Variants in LHX4 observed in about 807,000 individuals in gnomAD.
LHX4 encodes the protein LIM/homeobox protein Lhx4.
Under a neutral mutation model 39.2 loss-of-function variants are expected in LHX4, and 16 were observed. The ratio of observed to expected loss-of-function variants is 0.41; its 90% CI spans 0.28 to 0.62. LHX4 has a LOEUF of 0.62. Ranked by LOEUF, LHX4 falls within the 20% of genes least tolerant of loss-of-function variation. LHX4 has a pLI of 0.33. For missense variants in LHX4, 439 were observed against 511.9 expected (o/e 0.86, Z 1.37); for synonymous variants, 206 against 198.1 (o/e 1.04, Z -0.33).
upstream of LHX4, among the ~76,000 whole-genome samples, chr1:180,229,964 A>G (rs941872336): frequency 0.14 from 9,714 of 69,268 alleles, 1,007 homozygotes; most frequent in African/African-American, 0.24. Context: ...GGAGGCGGGG[A>G]GGGGGGGGGG....
At chr1:180,260,656 C>T (rs559460059) in intron 2 of LHX4, among the ~76,000 whole-genome samples, 1 of 151,870 alleles carries the variant, frequency 6.6e-6, no homozygotes, top group East Asian at 1.9e-4. Context: ...GACAGCGGGC[C>T]AATTACATGT....
At chr1:180,252,125 C>A (rs1647652038) in intron 2 of LHX4, among the ~76,000 whole-genome samples, 1 of 152,184 alleles carries the variant, frequency 6.6e-6, no homozygotes, top group African/African-American at 2.4e-5. Context: ...TTGGGACTTG[C>A]TGGCCACCTG....
intron 1 of LHX4, among the ~76,000 whole-genome samples, chr1:180,236,681 GC>G (rs1664328293): frequency 6.6e-6 from 1 of 152,178 alleles, no homozygotes; most frequent in Non-Finnish European, 1.5e-5. Flanking sequence ...TGGATGGGGG[GC>G]GGGTAGGTGG....
At chr1:180,229,968 G>A (rs1226525601), upstream of LHX4, among the ~76,000 whole-genome samples, 4 of 140,878 alleles carry the variant, frequency 2.8e-5, no homozygotes, top group Non-Finnish European at 6.3e-5. Context: ...GCGGGGAGGG[G>A]GGGGGGGTGC....
chr1:180,255,919 G>A (rs186168182), intron 2 of LHX4, among the ~76,000 whole-genome samples: 5 of 152,348 alleles, frequency 3.3e-5, no homozygotes, highest in Non-Finnish European at 5.9e-5. Context: ...CTGTGGAAAC[G>A]GGGTCCCCAG....
intron 3 of LHX4, chr1:180,270,214 A>G (rs564677972): frequency 6.6e-6 from 1 of 152,392 alleles, no homozygotes; most frequent in East Asian, 1.9e-4. Flanking sequence ...TAAAGTCCTT[A>G]GTCAACACCA....
chr1:180,247,783 C>T (rs1647445354), intron 1 of LHX4, among the ~76,000 whole-genome samples: 1 of 152,200 alleles, frequency 6.6e-6, no homozygotes, highest in Non-Finnish European at 1.5e-5. Context: ...ACTGCCCGCC[C>T]CCTCCCCCAC....
In LHX4 at chr1:180,243,291, G is replaced by A. The variant is rs533008597; in HGVS notation, c.77-4994G>A. 2.5e-3 allele frequency among the ~76,000 whole-genome samples: 379 copies of A among 151,976 alleles called. 1 individual carries two copies. The highest frequency in any genetic ancestry group is 4.4e-3 in the Non-Finnish European group (302 of 67,928). On this transcript the variant is annotated intron_variant, in intron 1 of 5. Transcript: ENST00000263726. Reference sequence around the variant, plus strand: ...GATGTGAGCCACTGTACCTCTGTAAGGGGAGGGGAGGGGAGGAGTTCTCCC... The same window carrying A: ...GATGTGAGCCACTGTACCTCTGTAAAGGGAGGGGAGGGGAGGAGTTCTCCC...
At chr1:180,265,749 G>T (rs962096180) in intron 2 of LHX4, among the ~76,000 whole-genome samples, 2 of 152,232 alleles carry the variant, frequency 1.3e-5, no homozygotes, top group Non-Finnish European at 2.9e-5. Flanking sequence ...CCCAGGCTGT[G>T]TGCGTGCATA....
chr1:180,258,289 G>C (rs1281616764), intron 2 of LHX4, among the ~76,000 whole-genome samples: 1 of 152,214 alleles, frequency 6.6e-6, no homozygotes, highest in Non-Finnish European at 1.5e-5. Flanking sequence ...GCAGGTACCT[G>C]GGGGGAGAGC....
At chr1:180,238,275 A>C (rs1664371186) in intron 1 of LHX4, among the ~76,000 whole-genome samples, 2 of 152,256 alleles carry the variant, frequency 1.3e-5, no homozygotes, top group Admixed American at 6.5e-5. Context: ...GCCACCAAAT[A>C]AAGCAAACAG....
chr1:180,251,698 C>T (rs1236110172), intron 2 of LHX4, among the ~76,000 whole-genome samples: 1 of 152,200 alleles, frequency 6.6e-6, no homozygotes, highest in East Asian at 1.9e-4. Context: ...GTGAGGGAGG[C>T]CCAGGCTGCT....
At chr1:180,250,544 G>A (rs1207413435) in intron 2 of LHX4, among the ~76,000 whole-genome samples, 5 of 152,178 alleles carry the variant, frequency 3.3e-5, no homozygotes, top group East Asian at 1.9e-4. Context: ...TGCCCGTCTC[G>A]GGGCAGGGTA....
chr1:180,246,729 CAAAAA>C (rs951640749), intron 1 of LHX4, among the ~76,000 whole-genome samples: 1 of 151,744 alleles, frequency 6.6e-6, no homozygotes, highest in African/African-American at 2.4e-5. Flanking sequence ...ACAAAACAAA[CAAAAA>C]AAACCCATGT....
At chr1:180,249,202 A>G (rs1221392920) in intron 2 of LHX4, among the ~76,000 whole-genome samples, 1 of 152,178 alleles carries the variant, frequency 6.6e-6, no homozygotes, top group African/African-American at 2.4e-5. Flanking sequence ...TTTATGCATC[A>G]AGTCCTCAGG....
At chr1:180,271,319 G>A in intron 3 of LHX4, 61 bp from the exon 4 acceptor site, 2 of 1,585,014 alleles carry the variant, frequency 1.3e-6, no homozygotes, top group Non-Finnish European at 1.7e-6. Context: ...GGGAGGGTGT[G>A]GGAGGAGGCG....
chr1:180,261,635 C>A (rs1648116764), intron 2 of LHX4, among the ~76,000 whole-genome samples: 1 of 152,102 alleles, frequency 6.6e-6, no homozygotes, highest in African/African-American at 2.4e-5. Context: ...CGAGTGAGAT[C>A]CCCTCACCCC....
intron 1 of LHX4, among the ~76,000 whole-genome samples, chr1:180,233,307 C>T (rs1010812130): frequency 1.3e-5 from 2 of 152,264 alleles, no homozygotes; most frequent in Non-Finnish European, 2.9e-5. Context: ...GCAGTTCGCG[C>T]CGTAGCCCTC....
At chr1:180,259,848 T>C (rs1648032244) in intron 2 of LHX4, among the ~76,000 whole-genome samples, 1 of 151,340 alleles carries the variant, frequency 6.6e-6, no homozygotes, top group South Asian at 2.1e-4. Flanking sequence ...GTCAGTGCCC[T>C]GGGGAGCTGG....
Sources: gnomAD v4.1 joint callset for allele counts (sites outside exome capture counted in the v4.1 genomes callset) on GRCh38, gnomAD v4.1.1 for gene constraint, MANE v1.5 for transcripts, NCBI Gene and HGNC (gene_info 2026-07-23, HGNC 2026-07-21) for gene names.